EPS15: variants seen among roughly 807,000 people sequenced by gnomAD.
The protein encoded by EPS15 is epidermal growth factor receptor pathway substrate 15.
A neutral mutation model predicts 113.8 loss-of-function variants in EPS15; 72 were observed. That is an observed-to-expected ratio of 0.63 (90% CI 0.52 to 0.77). EPS15 has a LOEUF of 0.77. Among genes scored for constraint, EPS15 ranks in the 30% least tolerant of loss-of-function variants. The pLI, the probability that EPS15 is intolerant of heterozygous loss-of-function variation, is 0.00. For synonymous variants in EPS15, 344 were observed against 363.4 expected (o/e 0.95, Z 0.61); for missense variants, 1,048 against 1,045.8 (o/e 1.00, Z -0.03).
intron 24 of EPS15, among the ~76,000 whole-genome samples, chr1:51,357,387 AAAAAAT>A (rs1482599930): frequency 9.1e-5 from 5 of 54,954 alleles, no homozygotes; most frequent in South Asian, 4.8e-4. Context: ...AAAAAAAAAA[AAAAAAT>A]ATATATATAT....
chr1:51,394,356 T>C (rs1414669662), intron 21 of EPS15, 25 bp downstream of exon 21: 2 of 1,492,168 alleles, frequency 1.3e-6, no homozygotes, highest in Non-Finnish European at 1.8e-6. Context: ...TAATGTTCAA[T>C]GAAGTTGATA....
chr1:51,438,249 C>A (rs1652314071), intron 12 of EPS15, among the ~76,000 whole-genome samples: 1 of 151,990 alleles, frequency 6.6e-6, no homozygotes, highest in South Asian at 2.1e-4. Context: ...TGTGACTATA[C>A]CCTAAAAACT....
At chr1:51,461,521 T>TTAA (rs953929713) in intron 7 of EPS15, among the ~76,000 whole-genome samples, 1 of 85,042 alleles carries the variant, frequency 1.2e-5, no homozygotes, top group Admixed American at 1.4e-4. Flanking sequence ...CACTGTTTCT[T>TTAA]AAAAAAAAAA....
intron 2 of EPS15, among the ~76,000 whole-genome samples, chr1:51,475,426 C>T (rs1655602546): frequency 6.6e-6 from 1 of 152,144 alleles, no homozygotes; most frequent in African/African-American, 2.4e-5. Flanking sequence ...TCTCTGATGA[C>T]CAGTGATGAC....
chr1:51,442,406 G>C (rs1313593712), intron 11 of EPS15, among the ~76,000 whole-genome samples: 1 of 152,104 alleles, frequency 6.6e-6, no homozygotes, highest in Non-Finnish European at 1.5e-5. Context: ...ACATTTTATA[G>C]TCTTGCCTGT....
chr1:51,509,930 A>G (rs775731921), intron 1 of EPS15, among the ~76,000 whole-genome samples: 1 of 152,210 alleles, frequency 6.6e-6, no homozygotes, highest in Non-Finnish European at 1.5e-5. Context: ...TTCAATCAAT[A>G]TCCGAGTTGC....
chr1:51,373,854 G>C (rs1646721798), intron 21 of EPS15, among the ~76,000 whole-genome samples: 1 of 152,164 alleles, frequency 6.6e-6, no homozygotes, highest in African/African-American at 2.4e-5. Context: ...GGGAGGCTGA[G>C]GCAGGAGAAT....
chr1:51,385,677 A>G (rs1481122454), intron 21 of EPS15, among the ~76,000 whole-genome samples: 1 of 151,762 alleles, frequency 6.6e-6, no homozygotes, highest in Admixed American at 6.6e-5. Flanking sequence ...ATGAACAAAT[A>G]AACAAAATGC....
chr1:51,505,116 T>C (rs1367733424), intron 1 of EPS15, among the ~76,000 whole-genome samples: 2 of 149,642 alleles, frequency 1.3e-5, no homozygotes, highest in African/African-American at 4.9e-5. Flanking sequence ...TGAGACTGTG[T>C]CTCAAAAAAA....
intron 1 of EPS15, among the ~76,000 whole-genome samples, chr1:51,508,338 G>GAA (rs745757925): frequency 0.013 from 1,574 of 122,306 alleles, 40 homozygotes; most frequent in African/African-American, 0.046. Context: ...AAGAGAAAGA[G>GAA]AGAAAGAAAG....
chr1:51,423,112 A>G, intron 12 of EPS15: 1 of 914,520 alleles, frequency 1.1e-6, no homozygotes, highest in Admixed American at 3.0e-5. Context: ...ACGTAGGCAC[A>G]ATGTTCTTAA....
At chr1:51,502,589 G>A (rs1644431293) in intron 1 of EPS15, among the ~76,000 whole-genome samples, 1 of 151,886 alleles carries the variant, frequency 6.6e-6, no homozygotes, top group Non-Finnish European at 1.5e-5. Context: ...AAAATCCTAA[G>A]GTATCCACTA....
chr1:51,438,547 G>C (rs1652339061), intron 12 of EPS15, among the ~76,000 whole-genome samples: 1 of 152,092 alleles, frequency 6.6e-6, no homozygotes, highest in South Asian at 2.1e-4. Context: ...GCAAGTCCTA[G>C]AACATTGGTG....
At chr1:51,465,194 C>G (rs1310063367) in intron 6 of EPS15, 67 bp downstream of exon 6, 7 of 960,012 alleles carry the variant, frequency 7.3e-6, no homozygotes, top group Non-Finnish European at 9.8e-6. Context: ...CAATATATTT[C>G]AGAGGTAGAG....
intron 1 of EPS15, among the ~76,000 whole-genome samples, chr1:51,504,708 G>C (rs1224936800): frequency 6.6e-6 from 1 of 152,042 alleles, no homozygotes; most frequent in Non-Finnish European, 1.5e-5. Context: ...AACACAATGA[G>C]ATACTAAAAA....
At chr1:51,436,158 G>A (rs533780069) in intron 12 of EPS15, among the ~76,000 whole-genome samples, 2 of 152,304 alleles carry the variant, frequency 1.3e-5, no homozygotes, top group South Asian at 4.1e-4. Context: ...ACTGTGAGAG[G>A]TGGCTAAGAC....
At chr1:51,422,482 T>C (rs80261236) in intron 12 of EPS15, among the ~76,000 whole-genome samples, 6,439 of 152,298 alleles carry the variant, frequency 0.042, 207 homozygotes, top group Middle Eastern at 0.11. Context: ...AAACAGTATA[T>C]ATAAAGTAAA....
intron 3 of EPS15, among the ~76,000 whole-genome samples, chr1:51,472,537 G>A (rs1655316578): frequency 6.6e-6 from 1 of 152,114 alleles, no homozygotes; most frequent in Non-Finnish European, 1.5e-5. Flanking sequence ...TTATAACAGA[G>A]GAAGTAGGGA....
At chr1:51,507,703 T>C (rs1405302455) in intron 1 of EPS15, among the ~76,000 whole-genome samples, 2 of 151,450 alleles carry the variant, frequency 1.3e-5, no homozygotes, top group Non-Finnish European at 2.9e-5. Flanking sequence ...GTTACATACA[T>C]ATATATACAC....
Sources: gnomAD v4.1 joint callset for allele counts (sites outside exome capture counted in the v4.1 genomes callset) on GRCh38, gnomAD v4.1.1 for gene constraint, MANE v1.5 for transcripts, NCBI Gene and HGNC (gene_info 2026-07-23, HGNC 2026-07-21) for gene names.